Variants in CANX observed in about 807,000 individuals in gnomAD.
CANX encodes calnexin.
Under a neutral mutation model 75.7 loss-of-function variants are expected in CANX, and 14 were observed. The ratio of observed to expected loss-of-function variants is 0.19; its 90% CI spans 0.12 to 0.29. CANX has a LOEUF of 0.29. CANX is among the 10% of genes least tolerant of loss of function. The probability of loss-of-function intolerance (pLI) is 1.00; values close to 1 mark genes in which losing one functional copy is unlikely to be tolerated. For synonymous variants in CANX, 227 were observed against 236.9 expected, an observed-to-expected ratio of 0.96 and a Z score of 0.38; for missense variants, 567 against 713.2, an observed-to-expected ratio of 0.79 and a Z score of 2.34.
intron 1 of CANX, among the ~76,000 whole-genome samples, chr5:179,684,924 G>GTGTTTTTTTTTTTTTTT: frequency 3.5e-5 from 1 of 28,984 alleles, no homozygotes. Flanking sequence ...GGCTAATTTT[G>GTGTTTTTTTTTTTTTTT]TATTTTTTTT....
At chr5:179,698,418 G>A (rs1776486560), upstream of CANX, 2 of 1,275,904 alleles carry the variant, frequency 1.6e-6, no homozygotes, top group Non-Finnish European at 2.0e-6. Flanking sequence ...GCGCGGAGCA[G>A]TGCACGCCAA....
At position 179,728,551 on chromosome 5, in the gene CANX, T is replaced by C. The variant is rs772244401; in HGVS notation, c.1726-40T>C. 8.3e-6 allele frequency: 10 copies of C among 1,204,378 alleles called. No individual in the cohort carries two copies. The Admixed American group carries it at 1.6e-4, about 19-fold the overall frequency. The allele number at this position is 1,204,378 out of a possible 1,614,324, so 74.6% of individuals were successfully genotyped here. A position where few individuals can be genotyped will look rare whatever the true frequency, so the allele number is the denominator to read the frequency against. ...AATATGGTGAACTTTTATTATTTTT[T>C]AAATGTGCTAATTATAATGAATTTC... is the stretch of plus-strand genomic sequence containing the variant. On this transcript the variant is annotated intron_variant, in intron 14 of 14. Coordinates refer to ENST00000247461, the MANE Select transcript of CANX (RefSeq NM_001746.4).
rs774182483 is a variant in CANX, at chr5:179,724,792, CAG to C, written c.1645+12_1645+13del. The C allele has an allele frequency of 1.3e-6, 2 of 1,598,804 alleles. No homozygotes were observed. Among genetic ancestry groups the C allele is most frequent in the Non-Finnish European group, 1.7e-6 (2 of 1,171,812 alleles). On this transcript the variant is annotated intron_variant, in intron 13 of 14. Transcript: ENST00000247461. ...AGGAGAAGAGAAACTTGGTAAGAAA[CAG>C]AGTCCAGAAAATCTGCTTTAAGCCA... is the stretch of plus-strand genomic sequence containing the variant.
rs372523788 is a variant in CANX at position 179,703,641 on chromosome 5, A to AT, written c.-3-2023dup. On this transcript the variant is annotated intron_variant, in intron 1 of 14. Transcript: ENST00000247461. ...TTTGATTTTTTGTAGAGACAGGATAATTTTTTTTTTTTTTTGTATAGACAG... is the reference window on the plus strand; with the variant it reads ...TTTGATTTTTTGTAGAGACAGGATAATTTTTTTTTTTTTTTTGTATAGACAG... 4.2e-3 allele frequency among the ~76,000 whole-genome samples: 598 copies of AT among 141,958 alleles called. 2 individuals are homozygous for AT. The highest frequency in any genetic ancestry group is 9.2e-3 in the East Asian group (45 of 4,908). The allele number at this position is 141,958 out of a possible 152,430, so 93.1% of individuals were successfully genotyped here.
intron 7 of CANX, among the ~76,000 whole-genome samples, chr5:179,711,108 G>A (rs980621596): frequency 7.2e-5 from 11 of 152,044 alleles, no homozygotes; most frequent in African/African-American, 2.7e-4. Flanking sequence ...GTTGGGAAAT[G>A]ACCTTAATTT....
intron 1 of CANX, among the ~76,000 whole-genome samples, chr5:179,687,266 C>T (rs901497026): frequency 2.0e-5 from 3 of 152,140 alleles, no homozygotes; most frequent in Non-Finnish European, 2.9e-5. Context: ...ACACGCCCGG[C>T]TAATTTTTTT....
rs1459210152 is a variant in CANX at position 179,716,042 on chromosome 5, G to T, written c.722-63G>T. 4 of 1,194,798 alleles carry T rather than the reference G, an allele frequency of 3.3e-6. No homozygotes were observed. The Admixed American group carries it at 6.9e-5, about 21-fold the overall frequency. The allele number at this position is 1,194,798 out of a possible 1,614,324, so 74.0% of individuals were successfully genotyped here. A position where few individuals can be genotyped will look rare whatever the true frequency, so the allele number is the denominator to read the frequency against. ...TTCACGTTAGAAGTCATGATCTTTT[G>T]TATTATGGTAAAGGGAGCTTGGAAA... On this transcript the variant is annotated intron_variant, in intron 7 of 14. Transcript: ENST00000247461.
chr5:179,698,866 G>A (rs536615868), upstream of CANX: 25 of 1,090,248 alleles, frequency 2.3e-5, 1 homozygote, highest in Admixed American at 6.3e-4. Context: ...CGGATGTCGG[G>A]GCTTGCGCGG....
chr5:179,705,040 T>C (rs1162936773), intron 1 of CANX, among the ~76,000 whole-genome samples: 1 of 152,126 alleles, frequency 6.6e-6, no homozygotes, highest in East Asian at 1.9e-4. Context: ...TCACGCAGGC[T>C]AGAGTGTAGT....
chr5:179,680,323 G>A (rs912302195), intron 1 of CANX, among the ~76,000 whole-genome samples: 2 of 152,126 alleles, frequency 1.3e-5, no homozygotes, highest in African/African-American at 4.8e-5. Context: ...AGCAATCTGG[G>A]AGGATATCTA....
chr5:179,720,337 G>C, intron 9 of CANX, 67 bp from the exon 10 acceptor site: 1 of 1,324,664 alleles, frequency 7.5e-7, no homozygotes, highest in Non-Finnish European at 1.1e-6. Flanking sequence ...GCAGCCCTGG[G>C]CCAGCCAGCT....
intron 4 of CANX, 103 bp from the exon 5 acceptor site, chr5:179,708,136 C>T: frequency 1.1e-6 from 1 of 921,914 alleles, no homozygotes; most frequent in Non-Finnish European, 1.7e-6. Flanking sequence ...CCACGGCTGC[C>T]CCAGTATAAT....
chr5:179,684,191 A>G (rs1356157732), intron 1 of CANX, among the ~76,000 whole-genome samples: 30 of 152,054 alleles, frequency 2.0e-4, no homozygotes, highest in Admixed American at 2.0e-3. Context: ...GTTTCTCTGT[A>G]TCCTGGCCAA....
chr5:179,717,346 C>T (rs1581881877), intron 8 of CANX, among the ~76,000 whole-genome samples: 1 of 152,264 alleles, frequency 6.6e-6, no homozygotes, highest in East Asian at 1.9e-4. Flanking sequence ...TAAGAAGGCC[C>T]CTGTACCCAT....
At chr5:179,681,821 G>A (rs776249915) in intron 1 of CANX, among the ~76,000 whole-genome samples, 9 of 151,964 alleles carry the variant, frequency 5.9e-5, no homozygotes, top group Non-Finnish European at 1.0e-4. Flanking sequence ...GGTGGCATGC[G>A]ACTGTAGTCC....
chr5:179,681,192 A>G (rs1054398799), intron 1 of CANX, among the ~76,000 whole-genome samples: 4 of 152,156 alleles, frequency 2.6e-5, no homozygotes, highest in Admixed American at 2.6e-4. Flanking sequence ...TTGAGCACCT[A>G]CTGTGTTCTA....
intron 1 of CANX, among the ~76,000 whole-genome samples, chr5:179,699,969 C>G (rs1291946818): frequency 1.3e-5 from 2 of 152,198 alleles, no homozygotes; most frequent in South Asian, 2.1e-4. Flanking sequence ...TAATAATACC[C>G]GATGGATTTG....
chr5:179,679,357 C>T (rs930823976), intron 1 of CANX: 3 of 1,105,400 alleles, frequency 2.7e-6, no homozygotes, highest in Non-Finnish European at 3.8e-6. Context: ...CCTGCAGCTA[C>T]GGCTGCGGCT....
At chr5:179,724,508 C>T (rs1174506021) in intron 12 of CANX, 149 bp from the exon 13 acceptor site, 5 of 620,776 alleles carry the variant, frequency 8.1e-6, no homozygotes, top group Admixed American at 5.1e-5. Context: ...TACATACACG[C>T]TCTTCAGGGT....
Sources: gnomAD v4.1 joint callset for allele counts (sites outside exome capture counted in the v4.1 genomes callset) on GRCh38, gnomAD v4.1.1 for gene constraint, MANE v1.5 for transcripts, NCBI Gene and HGNC (gene_info 2026-07-23, HGNC 2026-07-21) for gene names.